Variants in VWC2 observed in about 807,000 individuals in gnomAD.
VWC2 encodes the protein von Willebrand factor C domain containing 2.
In VWC2, 14 loss-of-function variants were observed where a neutral mutation model predicts 29.8. That is an observed-to-expected ratio of 0.47 (90% CI 0.31 to 0.74). The LOEUF (loss-of-function observed/expected upper bound fraction) is 0.74, where lower values mean the gene tolerates loss of function less well. VWC2 is among the 30% of genes least tolerant of loss of function. The pLI is 0.05. For missense variants in VWC2, 457 were observed against 459.8 expected, an observed-to-expected ratio of 0.99 and a Z score of 0.05; for synonymous variants, 213 against 199.0, an observed-to-expected ratio of 1.07 and a Z score of -0.59.
At chr7:49,866,008 T>C (rs1340679683) in intron 3 of VWC2, among the ~76,000 whole-genome samples, 1 of 152,234 alleles carries the variant, frequency 6.6e-6, no homozygotes, top group South Asian at 2.1e-4. Flanking sequence ...ACCTTGCTTT[T>C]ATCATTTTTT....
intron 2 of VWC2, among the ~76,000 whole-genome samples, chr7:49,784,515 G>C (rs907782679): frequency 6.6e-5 from 10 of 152,224 alleles, no homozygotes; most frequent in Non-Finnish European, 1.5e-4. Context: ...GGCACGTGAA[G>C]AGTTCAGGTC....
intron 3 of VWC2, among the ~76,000 whole-genome samples, chr7:49,854,580 T>C (rs924772042): frequency 6.6e-6 from 1 of 152,222 alleles, no homozygotes; most frequent in Non-Finnish European, 1.5e-5. Context: ...GTCTTGTAAA[T>C]TTGTTTGAGT....
chr7:49,820,336 C>A (rs1043124562), intron 3 of VWC2, among the ~76,000 whole-genome samples: 3 of 152,122 alleles, frequency 2.0e-5, no homozygotes, highest in African/African-American at 7.2e-5. Flanking sequence ...AATACACCAT[C>A]AGAATAATGA....
intron 3 of VWC2, among the ~76,000 whole-genome samples, chr7:49,871,804 A>G (rs537478135): frequency 6.6e-6 from 1 of 151,396 alleles, no homozygotes; most frequent in African/African-American, 2.4e-5. Context: ...ATTACATTTA[A>G]GGGAAATTAT....
rs1357972336 is a variant in VWC2, at chr7:49,917,647, A to C, written c.*5462A>C. On this transcript the variant is annotated 3_prime_UTR_variant, in exon 4 of 4. Transcript: ENST00000340652. ...GCAAATATTGCGACTTTAGTTTTTA[A>C]TTCAATTTTCAGCAAGTAGAAATAT... The C allele has an allele frequency of 6.6e-6, 1 of 152,178 alleles. No homozygotes were observed. Among genetic ancestry groups the C allele is most frequent in the Admixed American group, 6.5e-5 (1 of 15,268 alleles). The allele number at this position is 152,178 out of a possible 1,614,324, so 9.4% of individuals were successfully genotyped here.
intron 2 of VWC2, among the ~76,000 whole-genome samples, chr7:49,782,194 G>T (rs569666683): frequency 2.8e-4 from 42 of 152,280 alleles, no homozygotes; most frequent in Non-Finnish European, 5.1e-4. Context: ...CTGCCCCTTT[G>T]GGAGGGCATT....
At chr7:49,903,913 G>A (rs1026053273) in intron 3 of VWC2, among the ~76,000 whole-genome samples, 3 of 152,090 alleles carry the variant, frequency 2.0e-5, no homozygotes, top group Non-Finnish European at 2.9e-5. Context: ...TTTATATTCC[G>A]CCTTGAGGAG....
chr7:49,811,583 A>G (rs1019929602), intron 3 of VWC2, among the ~76,000 whole-genome samples: 1 of 152,224 alleles, frequency 6.6e-6, no homozygotes, highest in African/African-American at 2.4e-5. Context: ...ACCCAGTCTT[A>G]GGATATTTAG....
rs72332840 is a variant in VWC2 at position 49,871,908 on chromosome 7, A to AACACACAC, written c.827-40083_827-40076dup. On this transcript the variant is annotated intron_variant, in intron 3 of 3. Coordinates refer to ENST00000340652, the MANE Select transcript of VWC2 (RefSeq NM_198570.5). Reference sequence around the variant, plus strand: ...TTTTGTATGTATATGTGTGTATATAAACACACACACACACACACACACACA... The same window carrying AACACACAC: ...TTTTGTATGTATATGTGTGTATATAAACACACACACACACACACACACACACACACACA... Among the ~76,000 whole-genome samples, 124 of 87,918 alleles carry AACACACAC rather than the reference A, an allele frequency of 1.4e-3. 1 individual carries two copies. Among genetic ancestry groups the AACACACAC allele is most frequent in the South Asian group, 7.5e-3 (15 of 1,992 alleles). 57.7% of individuals were successfully genotyped at this position (87,918 alleles called of 152,430 possible). A position where few individuals can be genotyped will look rare whatever the true frequency, so the allele number is the denominator to read the frequency against.
chr7:49,834,619 A>C (rs1789614617), intron 3 of VWC2, among the ~76,000 whole-genome samples: 1 of 152,230 alleles, frequency 6.6e-6, no homozygotes, highest in African/African-American at 2.4e-5. Flanking sequence ...CAAACACGAA[A>C]TGCCGAGTAA....
intron 3 of VWC2, among the ~76,000 whole-genome samples, chr7:49,834,625 A>G (rs1789614878): frequency 6.6e-6 from 1 of 152,252 alleles, no homozygotes; most frequent in Non-Finnish European, 1.5e-5. Context: ...CGAAATGCCG[A>G]GTAAATGCTG....
chr7:49,806,448 G>T (rs188949283), intron 3 of VWC2, among the ~76,000 whole-genome samples: 1 of 152,308 alleles, frequency 6.6e-6, no homozygotes, highest in Non-Finnish European at 1.5e-5. Flanking sequence ...TATAAAGGTT[G>T]TATATCTCCC....
At chr7:49,783,873 G>T (rs1426947248) in intron 2 of VWC2, among the ~76,000 whole-genome samples, 46 of 151,840 alleles carry the variant, frequency 3.0e-4, no homozygotes, top group Non-Finnish European at 1.5e-5. Flanking sequence ...AACATAGTGA[G>T]ACCCTGTCTC....
At chr7:49,806,541 T>C (rs1788882616) in intron 3 of VWC2, among the ~76,000 whole-genome samples, 1 of 152,202 alleles carries the variant, frequency 6.6e-6, no homozygotes, top group African/African-American at 2.4e-5. Flanking sequence ...GTGAAAAACA[T>C]TTATGACACT....
At chr7:49,786,803 G>C (rs369118048) in intron 2 of VWC2, among the ~76,000 whole-genome samples, 16 of 152,260 alleles carry the variant, frequency 1.1e-4, no homozygotes, top group Admixed American at 4.6e-4. Context: ...GTCTGTTCAT[G>C]TCTCTTGCCC....
intron 2 of VWC2, among the ~76,000 whole-genome samples, chr7:49,786,768 G>A (rs1788308687): frequency 6.6e-6 from 1 of 152,164 alleles, no homozygotes; most frequent in African/African-American, 2.4e-5. Flanking sequence ...CTTGTTGGCT[G>A]CTTGTTTGTC....
chr7:49,886,696 T>C (rs1237971933), intron 3 of VWC2, among the ~76,000 whole-genome samples: 4 of 152,186 alleles, frequency 2.6e-5, no homozygotes, highest in Admixed American at 6.5e-5. Context: ...GATTATTTTG[T>C]CACCTATTAT....
In VWC2 at chr7:49,802,714, T is replaced by G; in HGVS notation, c.700T>G (p.Ser234Ala). ...TGATTGTGGGCTTGTGTTTCAGGTGTCTCCATGCGAGAGGTGTCGCTGTGA... is the reference window on the plus strand; with the variant it reads ...TGATTGTGGGCTTGTGTTTCAGGTGGCTCCATGCGAGAGGTGTCGCTGTGA... ...TYQTLEEFVV[S>A]PCERCRCEAN... Residue 234 changes from serine to alanine, a missense_variant, in exon 3 of 4, where the codon TCT (serine) becomes GCT (alanine). Transcript: ENST00000340652. 6.2e-7 allele frequency: 1 copy of G among 1,614,166 alleles called. No homozygotes were observed. Among genetic ancestry groups the G allele is most frequent in the Non-Finnish European group, 8.5e-7 (1 of 1,180,024 alleles).
intron 2 of VWC2, among the ~76,000 whole-genome samples, chr7:49,797,686 C>T (rs551569243): frequency 6.6e-6 from 1 of 152,162 alleles, no homozygotes. Context: ...ATTCATCTCT[C>T]TAGCCTCAGG....
Sources: allele counts gnomAD v4.1 joint callset (sites outside exome capture counted in the v4.1 genomes callset), GRCh38; gene constraint gnomAD v4.1.1; transcripts MANE v1.5; gene names NCBI Gene and HGNC (gene_info 2026-07-23, HGNC 2026-07-21).